OSBPL11: variants seen among roughly 807,000 people sequenced by gnomAD.
The protein encoded by OSBPL11 is oxysterol binding protein like 11.
A neutral mutation model predicts 84.4 loss-of-function variants in OSBPL11; 33 were observed. That is an observed-to-expected ratio of 0.39 (90% CI 0.30 to 0.52). The LOEUF is 0.52. OSBPL11 is among the 20% of genes least tolerant of loss of function. The probability of loss-of-function intolerance (pLI) is 0.72; values close to 1 mark genes in which losing one functional copy is unlikely to be tolerated. For missense variants in OSBPL11, 736 were observed against 901.1 expected (o/e 0.82, Z 2.35); for synonymous variants, 276 against 310.2 (o/e 0.89, Z 1.16).
intron 10 of OSBPL11, among the ~76,000 whole-genome samples, chr3:125,544,339 A>G (rs1935779008): frequency 6.6e-6 from 1 of 152,222 alleles, no homozygotes; most frequent in Non-Finnish European, 1.5e-5. Context: ...TACAGGCGTG[A>G]GCTACTGCAC....
intron 6 of OSBPL11, among the ~76,000 whole-genome samples, chr3:125,564,059 T>C (rs763095412): frequency 6.6e-6 from 1 of 152,198 alleles, no homozygotes; most frequent in East Asian, 1.9e-4. Flanking sequence ...TCAGATACTA[T>C]TTAAAAGAAA....
intron 8 of OSBPL11, 26 bp from the exon 9 acceptor site, chr3:125,552,705 G>T: frequency 6.3e-7 from 1 of 1,593,976 alleles, no homozygotes; most frequent in Non-Finnish European, 8.5e-7. Flanking sequence ...ATGAAAGAGG[G>T]GAAATTTAAT....
chr3:125,557,029 G>A (rs1285264155), intron 8 of OSBPL11, among the ~76,000 whole-genome samples: 43 of 152,142 alleles, frequency 2.8e-4, no homozygotes, highest in Non-Finnish European at 4.4e-5. Flanking sequence ...CTGAAAAAAG[G>A]AAGTAAAACA....
chr3:125,577,784 G>A (rs1170954428), intron 4 of OSBPL11, among the ~76,000 whole-genome samples: 4 of 151,576 alleles, frequency 2.6e-5, no homozygotes, highest in Admixed American at 6.6e-5. Context: ...AGCTGATATC[G>A]TGCCACTGCA....
chr3:125,547,057 C>G (rs1639343860), intron 10 of OSBPL11, among the ~76,000 whole-genome samples: 1 of 152,150 alleles, frequency 6.6e-6, no homozygotes, highest in African/African-American at 2.4e-5. Flanking sequence ...AGATATATTT[C>G]CACCCTAACT....
intron 6 of OSBPL11, among the ~76,000 whole-genome samples, chr3:125,565,735 C>A (rs1281185629): frequency 6.6e-6 from 1 of 152,150 alleles, no homozygotes; most frequent in Non-Finnish European, 1.5e-5. Flanking sequence ...GAACTACTTA[C>A]AATTCCTACA....
At chr3:125,573,294 A>G (rs1375786947) in intron 5 of OSBPL11, among the ~76,000 whole-genome samples, 2 of 152,132 alleles carry the variant, frequency 1.3e-5, no homozygotes, top group African/African-American at 2.4e-5. Context: ...TGATAGGAGT[A>G]TATCACTCAG....
At position 125,557,527 on chromosome 3, in the gene OSBPL11, G is replaced by A. The variant is rs114916879; in HGVS notation, c.1155+2852C>T. Among the ~76,000 whole-genome samples the A allele has an allele frequency of 8.2e-3, 1,247 of 152,102 alleles. 23 individuals are homozygous for A. Among genetic ancestry groups the A allele is most frequent in the African/African-American group, 0.028 (1,175 of 41,490 alleles). On this transcript the variant is annotated intron_variant, in intron 8 of 12. Coordinates refer to ENST00000296220, the MANE Select transcript of OSBPL11 (RefSeq NM_022776.5). The stretch of plus-strand genomic sequence containing the variant: ...CTCCTGAGCAGCTGAGATTACAGGC[G>A]TGCACCACCATGCTCGGCTAATTTG...
intron 5 of OSBPL11, among the ~76,000 whole-genome samples, chr3:125,575,426 A>C (rs751794579): frequency 1.1e-3 from 165 of 151,944 alleles, no homozygotes; most frequent in Non-Finnish European, 2.3e-3. Context: ...AGGTCTTACT[A>C]TGTTGCCCAG....
intron 1 of OSBPL11, among the ~76,000 whole-genome samples, chr3:125,590,729 C>T (rs1244480265): frequency 1.3e-5 from 2 of 152,042 alleles, no homozygotes; most frequent in Non-Finnish European, 1.5e-5. Flanking sequence ...GTGCTTCAGA[C>T]ATAGTAGAGA....
intron 8 of OSBPL11, among the ~76,000 whole-genome samples, chr3:125,557,791 C>CTTTT (rs11295103): frequency 0.019 from 1,539 of 81,694 alleles, no homozygotes; most frequent in Middle Eastern, 0.033. Flanking sequence ...ATACAACTTT[C>CTTTT]TTTTTTTTTT....
At chr3:125,577,136 T>C (rs1936338405) in intron 4 of OSBPL11, among the ~76,000 whole-genome samples, 1 of 152,188 alleles carries the variant, frequency 6.6e-6, no homozygotes, top group Admixed American at 6.5e-5. Flanking sequence ...TTGGATTTCC[T>C]GAAGACTAGG....
chr3:125,552,506 G>A lies in OSBPL11; in HGVS notation c.1329C>T (p.Ala443=). Residue 443 remains alanine (A), a synonymous_variant, in exon 9 of 13, where the codon GCC becomes GCT. Coordinates refer to ENST00000296220, the MANE Select transcript of OSBPL11 (RefSeq NM_022776.5). ...TAGGATTGTATGGTTTTTTAGCAATGGCTCCCTTACGGCCTTCATGAAATG... is the reference window on the plus strand; with the variant it reads ...TAGGATTGTATGGTTTTTTAGCAATAGCTCCCTTACGGCCTTCATGAAATG... The part of the protein sequence containing the change: ...LTSFHEGRKG[A]IAKKPYNPII... 1 of 1,614,146 alleles carries A rather than the reference G, an allele frequency of 6.2e-7. No homozygotes were observed. The highest frequency in any genetic ancestry group is 8.5e-7 in the Non-Finnish European group (1 of 1,180,016).
At chr3:125,537,114 C>G (rs80237997) in intron 11 of OSBPL11, among the ~76,000 whole-genome samples, 9,789 of 147,484 alleles carry the variant, frequency 0.066, 448 homozygotes, top group African/African-American at 0.13. Context: ...GAGCCGAGAT[C>G]GCCCGACCAC....
At chr3:125,540,325 T>C (rs568844918) in intron 10 of OSBPL11, among the ~76,000 whole-genome samples, 9 of 67,158 alleles carry the variant, frequency 1.3e-4, no homozygotes, top group African/African-American at 7.7e-4. Context: ...GATGGCTCTG[T>C]CTCAAAAAAA....
chr3:125,554,539 G>A (rs907929026), intron 8 of OSBPL11, among the ~76,000 whole-genome samples: 2 of 152,154 alleles, frequency 1.3e-5, no homozygotes, highest in Non-Finnish European at 2.9e-5. Flanking sequence ...AAACTTAATT[G>A]TGAGCAGAAG....
chr3:125,550,039 T>A (rs1050738597), intron 9 of OSBPL11, among the ~76,000 whole-genome samples: 26 of 152,092 alleles, frequency 1.7e-4, no homozygotes, highest in African/African-American at 4.8e-4. Context: ...ACGGAGCTTA[T>A]GATGGAGGGT....
At chr3:125,551,994 T>C (rs757694954) in intron 9 of OSBPL11, among the ~76,000 whole-genome samples, 187 bp downstream of exon 9, 30 of 151,958 alleles carry the variant, frequency 2.0e-4, no homozygotes, top group African/African-American at 5.8e-4. Context: ...TAGTTTGATA[T>C]TAAAAATTAT....
intron 1 of OSBPL11, among the ~76,000 whole-genome samples, chr3:125,592,220 G>A (rs574518536): frequency 6.6e-6 from 1 of 152,038 alleles, no homozygotes; most frequent in Admixed American, 6.5e-5. Context: ...TTAATTTTTT[G>A]TAGAGATGGG....
Sources: gnomAD v4.1 joint callset for allele counts (sites outside exome capture counted in the v4.1 genomes callset) on GRCh38, gnomAD v4.1.1 for gene constraint, MANE v1.5 for transcripts, NCBI Gene and HGNC (gene_info 2026-07-23, HGNC 2026-07-21) for gene names.